The following PRTG variants were observed in gnomAD, a reference collection of about 807,000 sequenced individuals.
PRTG encodes immunoglobulin superfamily, DCC subclass, member 5.
PRTG carries 67 observed loss-of-function variants against 122.5 expected under a neutral mutation model. The observed-to-expected ratio is 0.55, with a 90% CI of 0.45 to 0.67. The LOEUF (loss-of-function observed/expected upper bound fraction) is 0.67, where lower values mean the gene tolerates loss of function less well. Among genes scored for constraint, PRTG ranks in the 30% least tolerant of loss-of-function variants. The pLI, the probability that PRTG is intolerant of heterozygous loss-of-function variation, is 0.00. For synonymous variants in PRTG, 554 were observed against 501.1 expected, an observed-to-expected ratio of 1.11 and a Z score of -1.41; for missense variants, 1,435 against 1,415.4, an observed-to-expected ratio of 1.01 and a Z score of -0.22.
chr15:55,686,310 T>G (rs989611319), intron 2 of PRTG, among the ~76,000 whole-genome samples: 1 of 152,128 alleles, frequency 6.6e-6, no homozygotes, highest in African/African-American at 2.4e-5. Context: ...TCACTGATAA[T>G]CCAGTCCATA....
Position 55,618,712 on chromosome 15 carries a change from C to G in PRTG, c.*1300G>C, listed in dbSNP as rs1367958528. On this transcript the variant is annotated 3_prime_UTR_variant, in exon 20 of 20. Coordinates refer to ENST00000389286, the MANE Select transcript of PRTG (RefSeq NM_173814.6). ...GGGTGGTAGAACTCTGAATATTTAT[C>G]CCTAAACAAAACCTGCACTTAAAAA... 1 of 152,076 alleles carries G rather than the reference C, an allele frequency of 6.6e-6. No homozygotes were observed. Among genetic ancestry groups the G allele is most frequent in the African/African-American group, 2.4e-5 (1 of 41,394 alleles). 9.4% of individuals were successfully genotyped at this position (152,076 alleles called of 1,614,324 possible). A position where few individuals can be genotyped will look rare whatever the true frequency, so the allele number is the denominator to read the frequency against.
intron 11 of PRTG, among the ~76,000 whole-genome samples, chr15:55,651,462 C>T (rs183412817): frequency 7.2e-5 from 11 of 152,224 alleles, no homozygotes; most frequent in East Asian, 3.9e-4. Context: ...CTAAAAAGCT[C>T]GCTGAGTAGG....
At chr15:55,659,326 C>T (rs960698124) in intron 11 of PRTG, among the ~76,000 whole-genome samples, 13 of 152,284 alleles carry the variant, frequency 8.5e-5, no homozygotes, top group South Asian at 8.3e-4. Context: ...AATAAGTACT[C>T]GTATTTAGCC....
chr15:55,670,587 T>C (rs2059463804), intron 11 of PRTG, among the ~76,000 whole-genome samples: 1 of 152,154 alleles, frequency 6.6e-6, no homozygotes, highest in Admixed American at 6.5e-5. Flanking sequence ...ACATATGTAA[T>C]TTCTCCTCTT....
chr15:55,715,889 C>T (rs894405201), intron 2 of PRTG, among the ~76,000 whole-genome samples: 15 of 152,158 alleles, frequency 9.9e-5, no homozygotes, highest in African/African-American at 3.6e-4. Context: ...ACAATCCATT[C>T]CCTTCTGAAT....
At chr15:55,703,061 G>C in intron 2 of PRTG, 1 of 309,322 alleles carries the variant, frequency 3.2e-6, no homozygotes, top group Non-Finnish European at 4.7e-6. Flanking sequence ...CAGTTGGTCT[G>C]TTCCTAGGAA....
chr15:55,629,367 ATATATATATGTGTGTG>A (rs1202658850), intron 15 of PRTG, among the ~76,000 whole-genome samples: 6,028 of 130,090 alleles, frequency 0.046, 263 homozygotes, highest in South Asian at 0.077. Flanking sequence ...TTGTATATAT[ATATATATATGTGTGTG>A]TGTGTGTGTG....
intron 2 of PRTG, among the ~76,000 whole-genome samples, chr15:55,701,831 T>C (rs1013719385): frequency 2.0e-5 from 3 of 152,110 alleles, no homozygotes; most frequent in Non-Finnish European, 4.4e-5. Context: ...TTATGCTGAG[T>C]AAAAGAAGCA....
intron 2 of PRTG, among the ~76,000 whole-genome samples, chr15:55,721,431 T>A (rs1203474285): frequency 6.6e-6 from 1 of 152,226 alleles, no homozygotes; most frequent in Non-Finnish European, 1.5e-5. Flanking sequence ...CTTGAGTGGA[T>A]CCTGTCTACA....
chr15:55,673,230 AT>A (rs138517017), intron 10 of PRTG, 140 bp downstream of exon 10: 1 of 690,248 alleles, frequency 1.4e-6, no homozygotes, highest in East Asian at 2.8e-5. Flanking sequence ...AAAAAGTTTA[AT>A]TTTTTTCAAT....
At chr15:55,627,352 G>A (rs1454900117) in intron 16 of PRTG, among the ~76,000 whole-genome samples, 5 of 146,782 alleles carry the variant, frequency 3.4e-5, no homozygotes, top group African/African-American at 5.0e-5. Flanking sequence ...TTGAGACGGA[G>A]TCTCGCTCTG....
intron 8 of PRTG, among the ~76,000 whole-genome samples, chr15:55,676,872 CCT>C (rs2059505701): frequency 6.6e-6 from 1 of 152,156 alleles, no homozygotes; most frequent in Non-Finnish European, 1.5e-5. Flanking sequence ...TTCCATGACC[CCT>C]GATTTACATT....
chr15:55,629,417 GTGTGTGTGTGTGTGTGTGTAA>G (rs1249765399), intron 15 of PRTG, among the ~76,000 whole-genome samples: 1 of 132,774 alleles, frequency 7.5e-6, no homozygotes, highest in African/African-American at 3.2e-5. Flanking sequence ...GTGTGTGTGT[GTGTGTGTGTGTGTGTGTGTAA>G]TGTTTTACTC....
chr15:55,652,130 G>C (rs1416483588), intron 11 of PRTG, among the ~76,000 whole-genome samples: 2 of 152,134 alleles, frequency 1.3e-5, no homozygotes, highest in African/African-American at 4.8e-5. Flanking sequence ...TGCTGCTATA[G>C]AAAAGCTTTG....
chr15:55,682,025 A>T (rs1216820532), intron 4 of PRTG, among the ~76,000 whole-genome samples: 2 of 152,220 alleles, frequency 1.3e-5, no homozygotes, highest in Admixed American at 1.3e-4. Context: ...GAGATGATTT[A>T]AAGTATACAG....
At chr15:55,742,617 C>T (rs989327078) in intron 1 of PRTG, 11 of 535,426 alleles carry the variant, frequency 2.1e-5, no homozygotes, top group Middle Eastern at 4.9e-4. Flanking sequence ...CGGAGAAGCT[C>T]CCGCAGCCCT....
chr15:55,694,271 T>C (rs1277575966), intron 2 of PRTG, among the ~76,000 whole-genome samples: 1 of 152,228 alleles, frequency 6.6e-6, no homozygotes, highest in Non-Finnish European at 1.5e-5. Context: ...TAGTGTTCTT[T>C]TCATAAAGTA....
intron 11 of PRTG, among the ~76,000 whole-genome samples, chr15:55,659,292 G>A (rs180712594): frequency 8.2e-4 from 125 of 152,264 alleles, no homozygotes; most frequent in Non-Finnish European, 1.5e-3. Flanking sequence ...CAAACCAACT[G>A]ATAAATCAGG....
Position 55,661,834 on chromosome 15 carries a change from G to A in PRTG, c.2041+10611C>T, listed in dbSNP as rs538133651. On this transcript the variant is annotated intron_variant, in intron 11 of 19. Transcript: ENST00000389286. ...ACAACTTCAGGCCTACAAAAGTGAT[G>A]ACCATTTAGGCAAATGCATCAGTTT... Among the ~76,000 whole-genome samples the A allele has an allele frequency of 1.3e-4, 19 of 151,516 alleles. No homozygotes were observed. The East Asian group carries it at 3.7e-3, about 29-fold the overall frequency.
Sources: gnomAD v4.1 joint callset for allele counts (sites outside exome capture counted in the v4.1 genomes callset) on GRCh38, gnomAD v4.1.1 for gene constraint, MANE v1.5 for transcripts, NCBI Gene and HGNC (gene_info 2026-07-23, HGNC 2026-07-21) for gene names.